COL21A1: variants seen among roughly 807,000 people sequenced by gnomAD.
COL21A1 encodes collagen type XXI alpha 1 chain.
A neutral mutation model predicts 137.9 loss-of-function variants in COL21A1; 149 were observed. The ratio of observed to expected loss-of-function variants is 1.08; its 90% confidence interval spans 0.95 to 1.24. The LOEUF (loss-of-function observed/expected upper bound fraction) is 1.24. COL21A1 is among the 50% of genes most tolerant of loss of function. The pLI is 0.00. For synonymous variants in COL21A1, 456 were observed against 391.5 expected (o/e 1.16, Z -1.95); for missense variants, 1,167 against 1,158.4 (o/e 1.01, Z -0.11).
intron 1 of COL21A1, among the ~76,000 whole-genome samples, chr6:56,373,294 T>C (rs1488728866): frequency 6.6e-6 from 1 of 152,240 alleles, no homozygotes; most frequent in Non-Finnish European, 1.5e-5. Context: ...ATTTTAAAAA[T>C]TAATTTTTTT....
chr6:56,292,041 C>T (rs1043058953), intron 1 of COL21A1, among the ~76,000 whole-genome samples: 4 of 152,002 alleles, frequency 2.6e-5, no homozygotes, highest in South Asian at 2.1e-4. Flanking sequence ...TGGTGGTACA[C>T]GCCTGTAATC....
At chr6:56,103,047 A>G (rs1770588917) in intron 16 of COL21A1, among the ~76,000 whole-genome samples, 1 of 152,194 alleles carries the variant, frequency 6.6e-6, no homozygotes, top group South Asian at 2.1e-4. Flanking sequence ...TGAAGAAATA[A>G]TGCAATATTT....
At chr6:56,388,331 CA>C (rs1301145634) in intron 1 of COL21A1, among the ~76,000 whole-genome samples, 1 of 152,150 alleles carries the variant, frequency 6.6e-6, no homozygotes, top group Non-Finnish European at 1.5e-5. Flanking sequence ...TGTAACCCAG[CA>C]CAGTGCCAGC....
chr6:56,275,526 A>C (rs972730657), intron 1 of COL21A1, among the ~76,000 whole-genome samples: 1 of 152,222 alleles, frequency 6.6e-6, no homozygotes, highest in Non-Finnish European at 1.5e-5. Context: ...GGAAAAAAAC[A>C]AATAATCCCG....
Position 56,060,121 on chromosome 6 carries a change from C to T in COL21A1, c.2505G>A (p.Pro835=), listed in dbSNP as rs754347462. ...ATCCTCTGGGACCCTCTGGGCCTATCGGACCAGGTGGCCCAGGAATACCCG... is the reference window on the plus strand; with the variant it reads ...ATCCTCTGGGACCCTCTGGGCCTATTGGACCAGGTGGCCCAGGAATACCCG... The part of the protein sequence containing the change: ...GSPGIPGPPG[P]IGPEGPRGLP... Residue 835 remains proline (P), a synonymous_variant, in exon 28 of 30, where the codon CCG becomes CCA. Coordinates refer to ENST00000244728, the MANE Select transcript of COL21A1 (RefSeq NM_030820.4). 3.7e-6 allele frequency: 6 copies of T among 1,610,462 alleles called. No individual in the cohort carries two copies. The highest frequency in any genetic ancestry group is 5.1e-6 in the Non-Finnish European group (6 of 1,178,864).
chr6:56,234,625 AT>A (rs113710332), intron 1 of COL21A1, among the ~76,000 whole-genome samples: 5 of 151,752 alleles, frequency 3.3e-5, no homozygotes, highest in Non-Finnish European at 4.4e-5. Context: ...AATACAAAAA[AT>A]TTGCACTTTC....
chr6:56,194,444 A>G (rs1778897434), intron 1 of COL21A1, among the ~76,000 whole-genome samples: 1 of 152,198 alleles, frequency 6.6e-6, no homozygotes, highest in Admixed American at 6.5e-5. Flanking sequence ...CCTAACCCTA[A>G]TCCAGTAGCT....
Position 56,070,896 on chromosome 6 carries a change from A to G in COL21A1, c.1966-98T>C, listed in dbSNP as rs77025002. 1,610 of 932,184 alleles carry G rather than the reference A, an allele frequency of 1.7e-3. 19 individuals are homozygous for G. In the African/African-American group the frequency reaches 0.024, roughly 14 times the overall value. The allele number at this position is 932,184 out of a possible 1,614,324, so 57.7% of individuals were successfully genotyped here. A position where few individuals can be genotyped will look rare whatever the true frequency, so the allele number is the denominator to read the frequency against. ...AGGGAATATATGTAAAATAACTTTT[A>G]CATTTTTAACTTTCCGATTGTTTGA... On this transcript the variant is annotated intron_variant, in intron 20 of 29. Transcript: ENST00000244728.
At chr6:56,371,497 T>C (rs1470418524) in intron 1 of COL21A1, among the ~76,000 whole-genome samples, 1 of 152,080 alleles carries the variant, frequency 6.6e-6, no homozygotes, top group Non-Finnish European at 1.5e-5. Flanking sequence ...TCAACCCAAG[T>C]TCCCCCCATT....
intron 1 of COL21A1, among the ~76,000 whole-genome samples, chr6:56,192,020 A>G (rs1246558814): frequency 6.6e-6 from 1 of 152,202 alleles, no homozygotes. Flanking sequence ...CCAATGGAAC[A>G]GAACAGAGGC....
intron 1 of COL21A1, among the ~76,000 whole-genome samples, chr6:56,380,274 G>T (rs2094006654): frequency 6.6e-6 from 1 of 152,122 alleles, no homozygotes; most frequent in Admixed American, 6.5e-5. Flanking sequence ...AGCAGATGCT[G>T]GCACCATGCT....
rs546651070 is a variant in COL21A1, at chr6:56,108,610, A to G, written c.1759-7085T>C. Reference sequence around the variant, plus strand: ...CGTAGAAACTACATTCATGAAACAGAAGGTGAAAGAAAAAATAGACAAAAA... The same window carrying G: ...CGTAGAAACTACATTCATGAAACAGGAGGTGAAAGAAAAAATAGACAAAAA... On this transcript the variant is annotated intron_variant, in intron 16 of 29. Transcript: ENST00000244728. 4.4e-4 allele frequency among the ~76,000 whole-genome samples: 67 copies of G among 152,062 alleles called. No individual in the cohort carries two copies. The East Asian group carries it at 0.011, about 26-fold the overall frequency.
intron 1 of COL21A1, among the ~76,000 whole-genome samples, chr6:56,357,280 T>C (rs1386791914): frequency 6.6e-6 from 1 of 152,220 alleles, no homozygotes; most frequent in Non-Finnish European, 1.5e-5. Context: ...TTCAAAAAAT[T>C]ATGTCTCCCC....
At chr6:56,282,362 G>A (rs538641747) in intron 1 of COL21A1, among the ~76,000 whole-genome samples, 47 of 31,738 alleles carry the variant, frequency 1.5e-3, no homozygotes, top group African/African-American at 6.2e-3. Flanking sequence ...TTTCTCATAC[G>A]CATGGTTTTT....
At chr6:56,323,365 G>A (rs988363501) in intron 1 of COL21A1, among the ~76,000 whole-genome samples, 1 of 151,936 alleles carries the variant, frequency 6.6e-6, no homozygotes, top group Non-Finnish European at 1.5e-5. Flanking sequence ...TTTTTCCTTA[G>A]GTATGCTTCA....
At chr6:56,366,519 G>A (rs1271976178) in intron 1 of COL21A1, among the ~76,000 whole-genome samples, 3 of 152,168 alleles carry the variant, frequency 2.0e-5, no homozygotes, top group African/African-American at 7.2e-5. Flanking sequence ...CAACTAAGTA[G>A]TGCCAAAAAA....
intron 3 of COL21A1, among the ~76,000 whole-genome samples, chr6:56,172,713 G>A (rs1436004943): frequency 2.0e-5 from 3 of 152,020 alleles, no homozygotes; most frequent in Non-Finnish European, 4.4e-5. Context: ...TTTAAAAACT[G>A]TAACTTTAAA....
rs553089932 is a variant in COL21A1 at position 56,299,798 on chromosome 6, G to A, written c.-39+94173C>T. On this transcript the variant is annotated intron_variant, in intron 1 of 28. Transcript: ENST00000370819. ...CTCTATGTTCCTTCTACAACTGAAT[G>A]ATATGTCTTACCTCAACATTATTTA... is the stretch of plus-strand genomic sequence containing the variant. Among the ~76,000 whole-genome samples the A allele has an allele frequency of 2.4e-4, 37 of 152,072 alleles. 1 individual carries two copies. In the South Asian group the frequency reaches 7.7e-3, roughly 32 times the overall value.
intron 1 of COL21A1, among the ~76,000 whole-genome samples, chr6:56,204,742 T>A (rs1288720955): frequency 1.3e-5 from 2 of 152,164 alleles, no homozygotes; most frequent in African/African-American, 4.8e-5. Context: ...CTGGCTGGCA[T>A]CTGGCAGATG....
Sources: gnomAD v4.1 joint callset for allele counts (sites outside exome capture counted in the v4.1 genomes callset) on GRCh38, gnomAD v4.1.1 for gene constraint, MANE v1.5 for transcripts, NCBI Gene and HGNC (gene_info 2026-07-23, HGNC 2026-07-21) for gene names.